Variants in AKAP1 observed in about 807,000 individuals in gnomAD.
The protein encoded by AKAP1 is A-kinase anchor protein 1, mitochondrial.
A neutral mutation model predicts 79.8 loss-of-function variants in AKAP1; 32 were observed. The observed-to-expected ratio is 0.40, with a 90% CI of 0.30 to 0.54. AKAP1 has a LOEUF of 0.54. AKAP1 is among the 20% of genes least tolerant of loss of function. AKAP1 has a pLI of 0.47. For missense variants in AKAP1, 961 were observed against 1,138.9 expected (o/e 0.84, Z 2.25); for synonymous variants, 416 against 466.7 (o/e 0.89, Z 1.40).
chr17:57,106,609 A>G lies in AKAP1; in HGVS notation c.1145A>G (p.Gln382Arg), dbSNP rs1423911294. ...AGRVCQASQL[Q>R]GQKEESCVPV... ...CGTGTGTGTCAGGCCAGTCAGCTCC[A>G]AGGGCAGAAGGAAGAGAGCTGTGTC... The change falls in exon 2 of 11, where the codon CAA becomes CGA. Residue 382 changes from glutamine to arginine, a missense_variant. Coordinates refer to ENST00000337714, the MANE Select transcript of AKAP1 (RefSeq NM_003488.4). 1.9e-6 allele frequency: 3 copies of G among 1,614,184 alleles called. No individual in the cohort carries two copies. Among genetic ancestry groups the G allele is most frequent in the South Asian group, 2.2e-5 (2 of 91,086 alleles).
chr17:57,111,530 T>C (rs1005718427), intron 3 of AKAP1, among the ~76,000 whole-genome samples: 2 of 152,222 alleles, frequency 1.3e-5, no homozygotes, highest in African/African-American at 2.4e-5. Context: ...CTGGTTCGAC[T>C]TCCTGGTTAG....
intron 1 of AKAP1, among the ~76,000 whole-genome samples, chr17:57,087,020 A>C (rs1913503594): frequency 6.6e-6 from 1 of 152,168 alleles, no homozygotes; most frequent in Non-Finnish European, 1.5e-5. Context: ...GAACCTTTTG[A>C]CTTGTGTTGA....
chr17:57,105,485 G>A lies in AKAP1; in HGVS notation c.21G>A (p.Ser7=), dbSNP rs148802735. MAIQFR[S]LFPLALPGML... ...CCAGGATGGCAATCCAGTTCCGTTC[G>A]CTCTTCCCCTTGGCATTGCCTGGGA... The change falls in exon 2 of 11, where the codon TCG becomes TCA. Residue 7 remains serine, a synonymous_variant. Transcript: ENST00000337714. 507 of 1,613,916 alleles carry A rather than the reference G, an allele frequency of 3.1e-4. 1 individual carries two copies. Among genetic ancestry groups the A allele is most frequent in the Middle Eastern group, 1.2e-3 (7 of 6,054 alleles).
At chr17:57,117,040 C>A in intron 8 of AKAP1, 113 bp downstream of exon 8, 1 of 1,119,860 alleles carries the variant, frequency 8.9e-7, no homozygotes, top group South Asian at 1.3e-5. Context: ...AAGTTGCTAC[C>A]ACTCAAGAGT....
Position 57,086,503 on chromosome 17 carries a change from C to T in AKAP1, c.-25+1105C>T, listed in dbSNP as rs1913468283. On this transcript the variant is annotated intron_variant, in intron 1 of 10. Coordinates refer to ENST00000337714, the MANE Select transcript of AKAP1 (RefSeq NM_003488.4). This position sits in a 1 kb window ranked among gnomAD's most constrained non-coding sequence, Gnocchi z 5.1. ...GTCCTGGGTGGCGGCGCCTTCCTGC[C>T]GCCGTTAACACAAACCCGGTGGACT... is the stretch of plus-strand genomic sequence containing the variant. 2.2e-6 allele frequency: 1 copy of T among 451,508 alleles called. No individual in the cohort carries two copies. Among genetic ancestry groups the T allele is most frequent in the Non-Finnish European group, 4.4e-6 (1 of 224,964 alleles). The allele number at this position is 451,508 out of a possible 1,614,324, so 28.0% of individuals were successfully genotyped here.
chr17:57,109,007 G>A (rs926139326), intron 2 of AKAP1, among the ~76,000 whole-genome samples: 1 of 152,350 alleles, frequency 6.6e-6, no homozygotes, highest in Non-Finnish European at 1.5e-5. Flanking sequence ...AGCGCCTAGT[G>A]TTAAGGGGGG....
At chr17:57,098,575 G>C (rs1279289699) in intron 1 of AKAP1, 1 of 152,276 alleles carries the variant, frequency 6.6e-6, no homozygotes, top group East Asian at 1.9e-4. Context: ...GGCTAAAGGG[G>C]TATGTGTATG....
intron 10 of AKAP1, 89 bp downstream of exon 10, chr17:57,119,133 G>A (rs1915769279): frequency 7.3e-7 from 1 of 1,378,830 alleles, no homozygotes; most frequent in Non-Finnish European, 1.0e-6. Context: ...TTCCTCTTGA[G>A]TTAATCAGAG....
At chr17:57,120,014 C>T (rs904173064) in intron 10 of AKAP1, among the ~76,000 whole-genome samples, 7 of 151,528 alleles carry the variant, frequency 4.6e-5, no homozygotes, top group Admixed American at 2.0e-4. Context: ...TTAATAGAGA[C>T]GGGGTTTCAC....
At chr17:57,093,114 GA>G (rs1245803101) in intron 1 of AKAP1, 2 of 152,292 alleles carry the variant, frequency 1.3e-5, no homozygotes, top group Admixed American at 6.5e-5. Context: ...CACAGAAAAG[GA>G]CTAGGTGACC....
intron 1 of AKAP1, among the ~76,000 whole-genome samples, chr17:57,103,550 G>C (rs971693347): frequency 6.6e-6 from 1 of 152,212 alleles, no homozygotes; most frequent in African/African-American, 2.4e-5. Flanking sequence ...TAAAAGTACT[G>C]ATGTTCTGGT....
chr17:57,113,919 C>T (rs562402771), intron 5 of AKAP1, among the ~76,000 whole-genome samples: 2 of 152,282 alleles, frequency 1.3e-5, no homozygotes, highest in Admixed American at 1.3e-4. Flanking sequence ...GAGGCCACTG[C>T]TTGCTCTTGG....
intron 1 of AKAP1, among the ~76,000 whole-genome samples, chr17:57,102,103 T>C (rs1393232150): frequency 6.6e-6 from 1 of 152,086 alleles, no homozygotes; most frequent in Non-Finnish European, 1.5e-5. Context: ...TAAAAACATT[T>C]TGAAAAAAAA....
intron 8 of AKAP1, 141 bp from the exon 9 acceptor site, chr17:57,118,239 TG>T: frequency 1.4e-6 from 1 of 709,188 alleles, no homozygotes; most frequent in Non-Finnish European, 2.5e-6. Flanking sequence ...GTCTCTGACC[TG>T]GGTGGATCTC....
At chr17:57,113,594 CTTTTTTT>C (rs1036422001) in intron 5 of AKAP1, among the ~76,000 whole-genome samples, 3 of 82,496 alleles carry the variant, frequency 3.6e-5, no homozygotes, top group African/African-American at 5.9e-5. Context: ...GACTCACTCT[CTTTTTTT>C]TTTTTTTTTT....
chr17:57,106,320 C>G lies in AKAP1; in HGVS notation c.856C>G (p.Pro286Ala). ...AGAGCTGGCAAAGGACGATGCGGCGCCAGCACCCCCAGTCGCAGACGCCAA... is the reference window on the plus strand; with the variant it reads ...AGAGCTGGCAAAGGACGATGCGGCGGCAGCACCCCCAGTCGCAGACGCCAA... ...HTELAKDDAA[P>A]APPVADAKAQ... Residue 286 changes from proline to alanine, a missense_variant, in exon 2 of 11, where the codon CCA becomes GCA. Physicochemically the swap from Pro to Ala is conservative, Grantham distance 27. This residue lies in a region of AKAP1 where 224 missense variants were observed against 210.2 expected (regional missense o/e 1.07). Coordinates refer to ENST00000337714, the MANE Select transcript of AKAP1 (RefSeq NM_003488.4). 1.2e-6 allele frequency: 2 copies of G among 1,614,112 alleles called. No homozygotes were observed. Among genetic ancestry groups the G allele is most frequent in the Non-Finnish European group, 1.7e-6 (2 of 1,180,028 alleles).
chr17:57,102,972 C>G (rs1355400228), intron 1 of AKAP1, among the ~76,000 whole-genome samples: 1 of 152,072 alleles, frequency 6.6e-6, no homozygotes, highest in African/African-American at 2.4e-5. Flanking sequence ...CCCAGCTACT[C>G]TGGAGGCTGA....
chr17:57,085,760 CCT>C (rs1913404041), intron 1 of AKAP1: 2 of 152,368 alleles, frequency 1.3e-5, no homozygotes, highest in African/African-American at 4.8e-5. Flanking sequence ...GCCCGGGTCG[CCT>C]CTCTGCACCT....
intron 1 of AKAP1, among the ~76,000 whole-genome samples, chr17:57,103,681 G>T (rs893409756): frequency 6.6e-6 from 1 of 152,126 alleles, no homozygotes; most frequent in Non-Finnish European, 1.5e-5. Context: ...AAGGATTTTT[G>T]GTTTTAAAAA....
Sources: gnomAD v4.1 joint callset for allele counts (sites outside exome capture counted in the v4.1 genomes callset) on GRCh38, gnomAD v4.1.1 for gene constraint, gnomAD v4.1.1 regional missense constraint, Gnocchi (gnomAD v3.1) non-coding constraint, MANE v1.5 for transcripts, NCBI Gene and HGNC (gene_info 2026-07-23, HGNC 2026-07-21) for gene names.